RIT2: variants seen among roughly 807,000 people sequenced by gnomAD.
RIT2 encodes the protein Ras like without CAAX 2.
RIT2 carries 24 observed loss-of-function variants against 23.7 expected under a neutral mutation model. That is an observed-to-expected ratio of 1.01 (90% CI 0.73 to 1.43). The LOEUF is 1.43. Among genes scored for constraint, RIT2 ranks in the 40% most tolerant of loss-of-function variants. The probability of loss-of-function intolerance (pLI) is 0.00; values close to 1 mark genes in which losing one functional copy is unlikely to be tolerated. For missense variants in RIT2, 236 were observed against 266.9 expected, an observed-to-expected ratio of 0.88 and a Z score of 0.81; for synonymous variants, 107 against 91.1, an observed-to-expected ratio of 1.17 and a Z score of -0.99.
intron 1 of RIT2, among the ~76,000 whole-genome samples, chr18:43,110,716 TG>T (rs1913933046): frequency 1.3e-5 from 2 of 152,314 alleles, no homozygotes; most frequent in South Asian, 4.1e-4. Flanking sequence ...TGGTTTTAGT[TG>T]TAATCACAGT....
chr18:42,983,336 T>C (rs574800855), intron 2 of RIT2, among the ~76,000 whole-genome samples: 1 of 152,074 alleles, frequency 6.6e-6, no homozygotes, highest in South Asian at 2.1e-4. Flanking sequence ...CTAGAGCTAA[T>C]CTCATGCCTT....
At chr18:42,835,645 T>A (rs1363609095) in intron 4 of RIT2, among the ~76,000 whole-genome samples, 1 of 151,974 alleles carries the variant, frequency 6.6e-6, no homozygotes, top group Non-Finnish European at 1.5e-5. Flanking sequence ...AAAGATAAGG[T>A]TTTCAATGTA....
At chr18:42,963,954 A>G (rs1319989893) in intron 3 of RIT2, among the ~76,000 whole-genome samples, 2 of 151,724 alleles carry the variant, frequency 1.3e-5, no homozygotes, top group African/African-American at 2.4e-5. Context: ...CACTTTGGGA[A>G]GCCAAAGTGG....
intron 2 of RIT2, among the ~76,000 whole-genome samples, chr18:42,991,210 A>G (rs534232281): frequency 2.6e-5 from 4 of 152,264 alleles, no homozygotes; most frequent in Admixed American, 1.3e-4. Flanking sequence ...CCCCTTTTGC[A>G]TAGAGGTTAC....
intron 4 of RIT2, among the ~76,000 whole-genome samples, chr18:42,844,206 T>C (rs1206217363): frequency 6.6e-6 from 1 of 152,114 alleles, no homozygotes; most frequent in Non-Finnish European, 1.5e-5. Flanking sequence ...CCAAAGCCCT[T>C]GGGGCATGTT....
intron 1 of RIT2, among the ~76,000 whole-genome samples, chr18:43,071,740 T>G (rs1365536103): frequency 1.3e-5 from 2 of 152,218 alleles, no homozygotes; most frequent in Admixed American, 6.5e-5. Flanking sequence ...TATTTTAATA[T>G]GATTGGTTTT....
chr18:43,113,525 A>G (rs1212372429), intron 1 of RIT2, among the ~76,000 whole-genome samples: 1 of 152,212 alleles, frequency 6.6e-6, no homozygotes, highest in East Asian at 1.9e-4. Context: ...CATGTGTCAC[A>G]TTGAAAATCC....
chr18:42,767,653 T>G (rs1287132729), intron 4 of RIT2, among the ~76,000 whole-genome samples: 2 of 152,116 alleles, frequency 1.3e-5, no homozygotes, highest in Non-Finnish European at 2.9e-5. Context: ...GACATGAGAT[T>G]TGGAGGGGCC....
At chr18:42,776,781 T>C (rs1258200378) in intron 4 of RIT2, among the ~76,000 whole-genome samples, 1 of 152,024 alleles carries the variant, frequency 6.6e-6, no homozygotes, top group East Asian at 1.9e-4. Context: ...AAAATTATAA[T>C]AATAATAAAA....
At chr18:42,875,966 T>C (rs1907733694) in intron 4 of RIT2, among the ~76,000 whole-genome samples, 1 of 152,034 alleles carries the variant, frequency 6.6e-6, no homozygotes, top group South Asian at 2.1e-4. Context: ...AAGGAGATAG[T>C]TTGGAAAGGG....
chr18:42,867,514 A>T (rs1907504804), intron 4 of RIT2, among the ~76,000 whole-genome samples: 1 of 152,058 alleles, frequency 6.6e-6, no homozygotes, highest in South Asian at 2.1e-4. Context: ...TGCTATTGGA[A>T]GGGCATAGAG....
chr18:43,057,103 G>T (rs2144317132), intron 1 of RIT2, among the ~76,000 whole-genome samples: 1 of 151,966 alleles, frequency 6.6e-6, no homozygotes, highest in East Asian at 1.9e-4. Flanking sequence ...GAGACTGTTT[G>T]TAGATATAGA....
At chr18:42,755,205 C>G (rs1051482985) in intron 4 of RIT2, among the ~76,000 whole-genome samples, 4 of 152,082 alleles carry the variant, frequency 2.6e-5, no homozygotes, top group Non-Finnish European at 5.9e-5. Flanking sequence ...CATTTTAGTC[C>G]TGTTTATAAT....
At chr18:42,880,989 A>G (rs989851225) in intron 4 of RIT2, among the ~76,000 whole-genome samples, 8 of 151,948 alleles carry the variant, frequency 5.3e-5, no homozygotes, top group Non-Finnish European at 1.0e-4. Context: ...GTATTTTAGT[A>G]GAGACAGGGT....
chr18:42,965,238 A>G (rs1270047819), intron 3 of RIT2, among the ~76,000 whole-genome samples: 2 of 152,218 alleles, frequency 1.3e-5, no homozygotes, highest in Non-Finnish European at 2.9e-5. Context: ...TCCTTTAAAT[A>G]ACATTTAACT....
chr18:42,840,482 G>C (rs1906734170), intron 4 of RIT2, among the ~76,000 whole-genome samples: 1 of 152,112 alleles, frequency 6.6e-6, no homozygotes, highest in South Asian at 2.1e-4. Flanking sequence ...TGCCGTAAGA[G>C]TTTGACACAC....
At chr18:42,944,179 C>T (rs1200720937) in intron 3 of RIT2, among the ~76,000 whole-genome samples, 1 of 152,074 alleles carries the variant, frequency 6.6e-6, no homozygotes, top group Non-Finnish European at 1.5e-5. Flanking sequence ...AGACTGCCCC[C>T]TACCCTAACT....
intron 4 of RIT2, among the ~76,000 whole-genome samples, chr18:42,837,153 C>CTTTTTTTTTTTTTTTTTTTTTTTTT (rs570701535): frequency 2.7e-4 from 14 of 51,684 alleles, no homozygotes; most frequent in Non-Finnish European, 4.3e-4. Context: ...TTTTCTTTTT[C>CTTTTTTTTTTTTTTTTTTTTTTTTT]TTTTTTTTTT....
intron 4 of RIT2, among the ~76,000 whole-genome samples, chr18:42,826,334 G>A (rs1353292466): frequency 4.6e-5 from 7 of 151,968 alleles, no homozygotes; most frequent in Non-Finnish European, 1.5e-5. Flanking sequence ...TATGAACATC[G>A]GGATTGTTAG....
Sources: allele counts gnomAD v4.1 joint callset (sites outside exome capture counted in the v4.1 genomes callset), GRCh38; gene constraint gnomAD v4.1.1; transcripts MANE v1.5; gene names NCBI Gene and HGNC (gene_info 2026-07-23, HGNC 2026-07-21).